The following BANK1 variants were observed in gnomAD, a reference collection of about 807,000 sequenced individuals.
BANK1 encodes B cell scaffold protein with ankyrin repeats 1.
Under a neutral mutation model 94.5 loss-of-function variants are expected in BANK1, and 95 were observed. That is an observed-to-expected ratio of 1.00 (90% CI 0.85 to 1.19). The LOEUF (loss-of-function observed/expected upper bound fraction) is 1.19. Among genes scored for constraint, BANK1 ranks in the 50% most tolerant of loss-of-function variants. BANK1 has a pLI of 0.00. For synonymous variants in BANK1, 334 were observed against 308.4 expected (o/e 1.08, Z -0.87); for missense variants, 987 against 932.2 (o/e 1.06, Z -0.77).
At chr4:101,804,081 C>T (rs551843190) in intron 1 of BANK1, among the ~76,000 whole-genome samples, 4 of 148,298 alleles carry the variant, frequency 2.7e-5, no homozygotes, top group Admixed American at 6.7e-5. Flanking sequence ...AAAATTATGT[C>T]GATACTAGTC....
At chr4:101,820,398 G>A (rs1726096550) in intron 1 of BANK1, among the ~76,000 whole-genome samples, 1 of 152,142 alleles carries the variant, frequency 6.6e-6, no homozygotes, top group Non-Finnish European at 1.5e-5. Flanking sequence ...AGGGATGTTG[G>A]CATCTGTACT....
intron 5 of BANK1, among the ~76,000 whole-genome samples, chr4:101,887,705 A>C (rs1024872282): frequency 2.6e-5 from 4 of 152,166 alleles, no homozygotes; most frequent in African/African-American, 9.6e-5. Context: ...AGATTCTACA[A>C]CTATATGAAA....
In BANK1 at chr4:101,802,719, G is replaced by GT. The variant is rs199938912; in HGVS notation, c.70+11776dup. Among the ~76,000 whole-genome samples the GT allele has an allele frequency of 5.5e-3, 843 of 152,096 alleles. 9 individuals are homozygous for GT. The highest frequency in any genetic ancestry group is 0.019 in the African/African-American group (790 of 41,460). Reference sequence around the variant, plus strand: ...ATTATAAGACCTCTCTATACCTCACGTTTTTTTCTTTTGGAAAAGATGAAA... The same window carrying GT: ...ATTATAAGACCTCTCTATACCTCACGTTTTTTTTCTTTTGGAAAAGATGAAA... On this transcript the variant is annotated intron_variant, in intron 1 of 16. Coordinates refer to ENST00000322953, the MANE Select transcript of BANK1 (RefSeq NM_017935.5).
intron 7 of BANK1, among the ~76,000 whole-genome samples, chr4:101,976,197 G>A (rs545321357): frequency 1.3e-4 from 20 of 152,108 alleles, no homozygotes; most frequent in Non-Finnish European, 2.4e-4. Flanking sequence ...CCTCTTTTCA[G>A]TATTCTAAAT....
chr4:101,889,615 A>AG (rs1721774758), intron 5 of BANK1, among the ~76,000 whole-genome samples: 1 of 150,580 alleles, frequency 6.6e-6, no homozygotes, highest in South Asian at 2.1e-4. Flanking sequence ...AAAAAAAAAA[A>AG]AAAAAAAAAA....
chr4:101,857,946 T>G (rs1727738433), intron 3 of BANK1, among the ~76,000 whole-genome samples: 1 of 152,150 alleles, frequency 6.6e-6, no homozygotes, highest in South Asian at 2.1e-4. Context: ...CCTCTTGGTT[T>G]TTTTGTGTGG....
chr4:101,977,135 T>C (rs561211475), intron 7 of BANK1: 20 of 152,248 alleles, frequency 1.3e-4, no homozygotes, highest in African/African-American at 4.8e-4. Flanking sequence ...TCTCAGTGGC[T>C]AAAGATGACA....
intron 11 of BANK1, among the ~76,000 whole-genome samples, chr4:102,046,094 G>A (rs895369545): frequency 1.3e-5 from 2 of 150,902 alleles, no homozygotes; most frequent in African/African-American, 4.9e-5. Flanking sequence ...CCAAAACAGA[G>A]ATATAGATCA....
intron 2 of BANK1, among the ~76,000 whole-genome samples, chr4:101,837,882 C>T (rs550071194): frequency 2.0e-5 from 3 of 150,592 alleles, no homozygotes; most frequent in African/African-American, 7.3e-5. Context: ...AGCTTTTCTC[C>T]TCTCCCTCTC....
intron 7 of BANK1, among the ~76,000 whole-genome samples, chr4:101,923,043 A>G (rs1048879079): frequency 6.6e-6 from 1 of 151,768 alleles, no homozygotes; most frequent in Non-Finnish European, 1.5e-5. Context: ...TGGATTTTAA[A>G]CCTAACTTCA....
chr4:101,920,140 A>G (rs1578399047), intron 7 of BANK1, among the ~76,000 whole-genome samples: 1 of 151,912 alleles, frequency 6.6e-6, no homozygotes, highest in African/African-American at 2.4e-5. Flanking sequence ...CAAACACCGC[A>G]TGTTCTCACC....
chr4:101,844,851 C>G (rs1458377341), intron 2 of BANK1, among the ~76,000 whole-genome samples: 1 of 152,140 alleles, frequency 6.6e-6, no homozygotes, highest in Non-Finnish European at 1.5e-5. Context: ...AGGGCTTTAT[C>G]TATCAATAGA....
chr4:101,948,048 GT>G (rs956040003), intron 7 of BANK1, among the ~76,000 whole-genome samples: 9 of 151,936 alleles, frequency 5.9e-5, no homozygotes, highest in Non-Finnish European at 1.3e-4. Flanking sequence ...TAATTCTATT[GT>G]TAATTTTGAC....
intron 1 of BANK1, among the ~76,000 whole-genome samples, chr4:101,797,675 G>A (rs978207815): frequency 2.0e-5 from 3 of 152,142 alleles, no homozygotes; most frequent in African/African-American, 4.8e-5. Flanking sequence ...AATCAAGAAT[G>A]TGTCATTTAC....
chr4:102,054,544 T>C (rs79496418), intron 11 of BANK1, among the ~76,000 whole-genome samples: 1,890 of 152,208 alleles, frequency 0.012, 46 homozygotes, highest in African/African-American at 0.043. Flanking sequence ...GACTGAAATG[T>C]GGACAAAAGA....
chr4:101,809,994 A>T (rs1725686835), intron 1 of BANK1, among the ~76,000 whole-genome samples: 1 of 152,178 alleles, frequency 6.6e-6, no homozygotes, highest in Non-Finnish European at 1.5e-5. Flanking sequence ...GGAGATTATC[A>T]TGGATTGTCC....
chr4:101,890,167 T>C (rs1721797295), intron 5 of BANK1, among the ~76,000 whole-genome samples: 1 of 152,166 alleles, frequency 6.6e-6, no homozygotes, highest in South Asian at 2.1e-4. Flanking sequence ...TGTATGTGGA[T>C]TGATGCTGAT....
chr4:102,042,551 G>A (rs1163929833), intron 10 of BANK1, among the ~76,000 whole-genome samples: 4 of 151,912 alleles, frequency 2.6e-5, no homozygotes, highest in Non-Finnish European at 4.4e-5. Flanking sequence ...TCAGATGGGG[G>A]GAAATTTTCA....
chr4:102,025,473 G>T lies in BANK1; in HGVS notation c.1558G>T (p.Ala520Ser). The part of the protein sequence containing the change: ...PLPPPRPVAN[A>S]FQLERPHFTL... ...CCCCCCGCCGCGACCTGTAGCTAAT[G>T]CCTTCCAACTGGAAAGACCTCACTT... is the stretch of plus-strand genomic sequence containing the variant. The change falls in exon 9 of 17, where the codon GCC (alanine) becomes TCC (serine). Residue 520 changes from alanine (A) to serine (S), a missense_variant. Transcript: ENST00000322953. 6.2e-7 allele frequency: 1 copy of T among 1,613,956 alleles called. No homozygotes were observed. Among genetic ancestry groups the T allele is most frequent in the Non-Finnish European group, 8.5e-7 (1 of 1,179,982 alleles).
Sources: gnomAD v4.1 joint callset for allele counts (sites outside exome capture counted in the v4.1 genomes callset) on GRCh38, gnomAD v4.1.1 for gene constraint, MANE v1.5 for transcripts, NCBI Gene and HGNC (gene_info 2026-07-23, HGNC 2026-07-21) for gene names.